The following LHFPL3 variants were observed in gnomAD, a reference collection of about 807,000 sequenced individuals.
LHFPL3 encodes LHFPL tetraspan subfamily member 3.
Under a neutral mutation model 19.3 loss-of-function variants are expected in LHFPL3, and 5 were observed. The observed-to-expected ratio is 0.26, with a 90% CI of 0.14 to 0.54. The LOEUF is 0.54. LHFPL3 is among the 20% of genes least tolerant of loss of function. LHFPL3 has a pLI of 0.94. For missense variants in LHFPL3, 249 were observed against 307.4 expected, an observed-to-expected ratio of 0.81 and a Z score of 1.42; for synonymous variants, 133 against 126.2, an observed-to-expected ratio of 1.05 and a Z score of -0.36.
intron 1 of LHFPL3, chr7:104,669,526 C>G (rs1423387948): frequency 1.2e-6 from 2 of 1,611,858 alleles, no homozygotes; most frequent in African/African-American, 2.7e-5. Flanking sequence ...GTATGCTGCT[C>G]TCTCTGTTGA....
chr7:104,711,419 A>G (rs1275580319), intron 1 of LHFPL3, among the ~76,000 whole-genome samples: 2 of 152,222 alleles, frequency 1.3e-5, no homozygotes, highest in African/African-American at 4.8e-5. Context: ...AGAATCACTA[A>G]TGGGAATGGT....
intron 1 of LHFPL3, among the ~76,000 whole-genome samples, chr7:104,528,613 A>G (rs1233878841): frequency 1.3e-5 from 2 of 152,214 alleles, no homozygotes; most frequent in East Asian, 3.8e-4. Context: ...ATTATAATAT[A>G]TAATTAAGGC....
intron 2 of LHFPL3, among the ~76,000 whole-genome samples, chr7:104,759,376 T>TAAA (rs58943910): frequency 4.6e-5 from 7 of 151,822 alleles, no homozygotes; most frequent in Non-Finnish European, 7.4e-5. Context: ...AATTTTTTTT[T>TAAA]AAAAAAAGGT....
chr7:104,841,202 C>T (rs551079585), intron 2 of LHFPL3, among the ~76,000 whole-genome samples: 4 of 152,266 alleles, frequency 2.6e-5, no homozygotes, highest in East Asian at 1.9e-4. Context: ...ACAAAAAGTA[C>T]GTCCCATTGC....
chr7:104,723,682 A>G (rs1793529317), intron 1 of LHFPL3, among the ~76,000 whole-genome samples: 1 of 131,698 alleles, frequency 7.6e-6, no homozygotes, highest in Non-Finnish European at 1.5e-5. Flanking sequence ...AGATTGCACC[A>G]TTGCACTCCA....
intron 2 of LHFPL3, among the ~76,000 whole-genome samples, chr7:104,897,360 G>A (rs1256238123): frequency 6.6e-6 from 1 of 152,124 alleles, no homozygotes; most frequent in African/African-American, 2.4e-5. Flanking sequence ...TCTGCAGTCC[G>A]CTTCCCTTTG....
intron 2 of LHFPL3, among the ~76,000 whole-genome samples, chr7:104,809,128 C>T (rs1790420559): frequency 6.6e-6 from 1 of 152,148 alleles, no homozygotes; most frequent in Non-Finnish European, 1.5e-5. Flanking sequence ...CTCCTGTCCT[C>T]AAGTGATCGC....
chr7:104,430,405 C>CATATATAT (rs1465027136), intron 1 of LHFPL3, among the ~76,000 whole-genome samples: 1 of 22,452 alleles, frequency 4.5e-5, no homozygotes, highest in Non-Finnish European at 7.6e-5. Context: ...TATATATATA[C>CATATATAT]ATATATATAT....
chr7:104,715,527 C>A (rs1466578989), intron 1 of LHFPL3, among the ~76,000 whole-genome samples: 3 of 152,096 alleles, frequency 2.0e-5, no homozygotes, highest in Non-Finnish European at 4.4e-5. Flanking sequence ...TTGCTGTGGG[C>A]TTTTTATACA....
chr7:104,557,047 A>G (rs1364228490), intron 1 of LHFPL3, among the ~76,000 whole-genome samples: 1 of 152,178 alleles, frequency 6.6e-6, no homozygotes, highest in Non-Finnish European at 1.5e-5. Context: ...CCATATTATT[A>G]TCAACATTTT....
At chr7:104,660,185 T>G (rs1792199547) in intron 1 of LHFPL3, among the ~76,000 whole-genome samples, 1 of 152,284 alleles carries the variant, frequency 6.6e-6, no homozygotes, top group South Asian at 2.1e-4. Flanking sequence ...GCATTTTTAG[T>G]AGAGATGGGG....
At chr7:104,865,481 G>C (rs1185539197) in intron 2 of LHFPL3, among the ~76,000 whole-genome samples, 2 of 152,166 alleles carry the variant, frequency 1.3e-5, no homozygotes, top group Non-Finnish European at 2.9e-5. Flanking sequence ...ATCAGTGATG[G>C]AAGATCAAAT....
intron 1 of LHFPL3, among the ~76,000 whole-genome samples, chr7:104,484,632 A>G (rs1793204040): frequency 6.6e-6 from 1 of 152,208 alleles, no homozygotes; most frequent in African/African-American, 2.4e-5. Context: ...CTATAACAGA[A>G]TACCTGAGAC....
chr7:104,397,049 A>G (rs904823070), intron 1 of LHFPL3, among the ~76,000 whole-genome samples: 3 of 152,204 alleles, frequency 2.0e-5, no homozygotes, highest in Non-Finnish European at 2.9e-5. Flanking sequence ...AAAACATCAA[A>G]TGAATATACC....
At chr7:104,554,942 G>A (rs1039805160) in intron 1 of LHFPL3, among the ~76,000 whole-genome samples, 1 of 152,126 alleles carries the variant, frequency 6.6e-6, no homozygotes, top group Non-Finnish European at 1.5e-5. Context: ...GATGTTCAAG[G>A]GCAAGAGAAG....
At chr7:104,475,877 C>A (rs117949732) in intron 1 of LHFPL3, among the ~76,000 whole-genome samples, 1 of 152,158 alleles carries the variant, frequency 6.6e-6, no homozygotes, top group African/African-American at 2.4e-5. Flanking sequence ...AATGAAATAA[C>A]ATAAAATTTA....
rs192670310 is a variant in LHFPL3, at chr7:104,733,151, G to A, written c.446-3524G>A. Among the ~76,000 whole-genome samples, 969 of 152,268 alleles carry A rather than the reference G, an allele frequency of 6.4e-3. 5 individuals carry two copies. The highest frequency in any genetic ancestry group is 9.6e-3 in the Non-Finnish European group (652 of 68,024). ...GGAGTGCTTTACTTCCAACTATGTGGTCAATTTTGGAATAGGTGTGGTGTG... is the reference window on the plus strand; with the variant it reads ...GGAGTGCTTTACTTCCAACTATGTGATCAATTTTGGAATAGGTGTGGTGTG... On this transcript the variant is annotated intron_variant, in intron 1 of 2. Coordinates refer to ENST00000424859, the MANE Select transcript of LHFPL3 (RefSeq NM_199000.3).
At chr7:104,616,270 C>T (rs1174298774) in intron 1 of LHFPL3, among the ~76,000 whole-genome samples, 2 of 152,086 alleles carry the variant, frequency 1.3e-5, no homozygotes, top group East Asian at 3.9e-4. Context: ...AAACAGCTTG[C>T]TACTAGTACC....
chr7:104,824,638 T>G (rs1164097857), intron 2 of LHFPL3, among the ~76,000 whole-genome samples: 1 of 84,658 alleles, frequency 1.2e-5, no homozygotes, highest in African/African-American at 4.8e-5. Flanking sequence ...ATATATTATT[T>G]TATATATTAT....
Sources: gnomAD v4.1 joint callset for allele counts (sites outside exome capture counted in the v4.1 genomes callset) on GRCh38, gnomAD v4.1.1 for gene constraint, MANE v1.5 for transcripts, NCBI Gene and HGNC (gene_info 2026-07-23, HGNC 2026-07-21) for gene names.